Variants in CD44 observed in about 807,000 individuals in gnomAD.
CD44 encodes CD44 molecule (IN blood group), also known as CD44 antigen.
CD44 carries 49 observed loss-of-function variants against 88.8 expected under a neutral mutation model. The ratio of observed to expected loss-of-function variants is 0.55; its 90% CI spans 0.44 to 0.70. The LOEUF (loss-of-function observed/expected upper bound fraction) is 0.70, where lower values mean the gene tolerates loss of function less well. Among genes scored for constraint, CD44 ranks in the 30% least tolerant of loss-of-function variants. The pLI is 0.00. For synonymous variants in CD44, 325 were observed against 312.3 expected, an observed-to-expected ratio of 1.04 and a Z score of -0.43; for missense variants, 883 against 913.8, an observed-to-expected ratio of 0.97 and a Z score of 0.43.
intron 3 of CD44, among the ~76,000 whole-genome samples, chr11:35,185,480 T>C (rs1945567702): frequency 6.6e-6 from 1 of 152,180 alleles, no homozygotes; most frequent in Admixed American, 6.5e-5. Flanking sequence ...TATCCACTTT[T>C]ATAAGTACAC....
In CD44 at chr11:35,230,414, G is replaced by C. The variant is rs79780721; in HGVS notation, c.*1081G>C. On this transcript the variant is annotated 3_prime_UTR_variant, in exon 18 of 18. Transcript: ENST00000428726. ...TATTTCATAGAGGCTGGCCCTATTA[G>C]TGATTTCCAAAAACAATATGGAAGT... 1.3e-5 allele frequency: 2 copies of C among 152,108 alleles called. No homozygotes were observed. Among genetic ancestry groups the C allele is most frequent in the African/African-American group, 4.8e-5 (2 of 41,438 alleles). The allele number at this position is 152,108 out of a possible 1,614,324, so 9.4% of individuals were successfully genotyped here. A position where few individuals can be genotyped will look rare whatever the true frequency, so the allele number is the denominator to read the frequency against.
chr11:35,221,609 T>C lies in CD44; in HGVS notation c.1946-45T>C, dbSNP rs745987247. 4.6e-6 allele frequency: 7 copies of C among 1,530,580 alleles called. No homozygotes were observed. In the African/African-American group the frequency reaches 9.6e-5, roughly 21 times the overall value. The allele number at this position is 1,530,580 out of a possible 1,614,324, so 94.8% of individuals were successfully genotyped here. ...AAAGTGCATTTTTGTTTTTACAAAG[T>C]GTGTCTCTGAAGCTCACGCATGTCA... On this transcript the variant is annotated intron_variant, in intron 16 of 17. Transcript: ENST00000428726.
intron 1 of CD44, among the ~76,000 whole-genome samples, chr11:35,156,271 C>T (rs1409925868): frequency 6.6e-6 from 1 of 152,210 alleles, no homozygotes; most frequent in Non-Finnish European, 1.5e-5. Flanking sequence ...TGCCTCCACA[C>T]AGTTAGCTCA....
chr11:35,221,807 A>C, intron 17 of CD44, 75 bp downstream of exon 17: 1 of 1,320,766 alleles, frequency 7.6e-7, no homozygotes, highest in South Asian at 1.2e-5. Context: ...CTTGCTGCTC[A>C]GAGCGTAGTC....
chr11:35,222,674 C>G, intron 17 of CD44: 1 of 891,014 alleles, frequency 1.1e-6, no homozygotes, highest in Non-Finnish European at 1.3e-6. Context: ...TGACCTTTAA[C>G]AGGGGTATAA....
At chr11:35,189,527 C>G (rs1946059506) in intron 4 of CD44, among the ~76,000 whole-genome samples, 1 of 152,216 alleles carries the variant, frequency 6.6e-6, no homozygotes, top group Non-Finnish European at 1.5e-5. Context: ...CAATGTATCA[C>G]ATAATCCCCA....
rs1565080565 is a variant in CD44, at chr11:35,181,906, AAT to A, written c.367+1506_367+1507del. Among the ~76,000 whole-genome samples, 79 of 60,822 alleles carry A rather than the reference AAT, an allele frequency of 1.3e-3. 5 individuals carry two copies. Among genetic ancestry groups the A allele is most frequent in the African/African-American group, 7.0e-3 (77 of 10,992 alleles). 39.9% of individuals were successfully genotyped at this position (60,822 alleles called of 152,430 possible). ...TAATTCTATATATAATATAATATATAATATATATTATATATTATATTATATAT... is the reference window on the plus strand; with the variant it reads ...TAATTCTATATATAATATAATATATAATATATTATATATTATATTATATAT... On this transcript the variant is annotated intron_variant, in intron 3 of 17. Transcript: ENST00000428726.
intron 3 of CD44, among the ~76,000 whole-genome samples, chr11:35,186,539 C>T (rs1437336050): frequency 6.6e-6 from 1 of 152,110 alleles, no homozygotes; most frequent in Non-Finnish European, 1.5e-5. Context: ...TAAAATTGTA[C>T]CCCCAGGCTT....
chr11:35,197,201 T>C (rs1251879546), intron 6 of CD44: 1 of 182,186 alleles, frequency 5.5e-6, no homozygotes, highest in East Asian at 1.3e-4. Context: ...ACCACAGTCA[T>C]AAAAAGTCTT....
rs1221307048 is a variant in CD44 at position 35,230,608 on chromosome 11, G to A, written c.*1275G>A. 1 of 152,198 alleles carries A rather than the reference G, an allele frequency of 6.6e-6. No individual in the cohort carries two copies. 9.4% of individuals were successfully genotyped at this position (152,198 alleles called of 1,614,324 possible). A position where few individuals can be genotyped will look rare whatever the true frequency, so the allele number is the denominator to read the frequency against. ...GCAGTTGCTATTTAGGATGAGTTAAGTGCCTGGGGAGTCCCTCAAAAGGTT... is the reference window on the plus strand; with the variant it reads ...GCAGTTGCTATTTAGGATGAGTTAAATGCCTGGGGAGTCCCTCAAAAGGTT... On this transcript the variant is annotated 3_prime_UTR_variant, in exon 18 of 18. Transcript: ENST00000428726.
intron 1 of CD44, among the ~76,000 whole-genome samples, chr11:35,141,052 A>G (rs920415718): frequency 2.0e-5 from 3 of 151,884 alleles, no homozygotes; most frequent in African/African-American, 7.3e-5. Flanking sequence ...GCTAGCTACC[A>G]TTTACTGTAT....
rs1948064847 is a variant in CD44 at position 35,208,140 on chromosome 11, A to C, written c.1450A>C (p.Thr484Pro). The part of the protein sequence containing the change: ...DSSHSITLQP[T>P]ANPNTGLVED... Reference sequence around the variant, plus strand: ...CAGTCATAGTATAACGCTTCAGCCTACTGCAAATCCAAACACAGGTTTGGT... The same window carrying C: ...CAGTCATAGTATAACGCTTCAGCCTCCTGCAAATCCAAACACAGGTTTGGT... The change falls in exon 12 of 18, where the codon ACT becomes CCT. Residue 484 changes from threonine to proline, a missense_variant. Thr to Pro is a conservative substitution (Grantham distance 38). Around this residue, in one of 2 missense-constraint regions of CD44, gnomAD observed 631 missense variants for 590.9 expected, o/e 1.07. Coordinates refer to ENST00000428726, the MANE Select transcript of CD44 (RefSeq NM_000610.4). 1 of 1,611,926 alleles carries C rather than the reference A, an allele frequency of 6.2e-7. No individual in the cohort carries two copies. The highest frequency in any genetic ancestry group is 8.5e-7 in the Non-Finnish European group (1 of 1,178,124).
intron 9 of CD44, among the ~76,000 whole-genome samples, chr11:35,202,620 GAGCCACTTAAA>G (rs894469711): frequency 6.6e-6 from 1 of 152,156 alleles, no homozygotes; most frequent in Non-Finnish European, 1.5e-5. Flanking sequence ...GGGGAAATGT[GAGCCACTTAAA>G]AGCCACTTAA....
chr11:35,204,465 T>G, intron 9 of CD44, 47 bp from the exon 10 acceptor site: 1 of 1,597,908 alleles, frequency 6.3e-7, no homozygotes, highest in Non-Finnish European at 8.6e-7. Context: ...CAGCTATTGG[T>G]GAGGAAAATA....
At chr11:35,197,641 A>C (rs1591202620) in intron 6 of CD44, 1 of 154,382 alleles carries the variant, frequency 6.5e-6, no homozygotes, top group Non-Finnish European at 1.4e-5. Context: ...AAGATAAAAA[A>C]TGAATTAGCA....
intron 1 of CD44, among the ~76,000 whole-genome samples, chr11:35,174,588 A>T (rs1347900201): frequency 6.6e-6 from 1 of 152,216 alleles, no homozygotes; most frequent in South Asian, 2.1e-4. Context: ...GTTACACAGG[A>T]TCAAGTAGAA....
intron 15 of CD44, among the ~76,000 whole-genome samples, chr11:35,215,860 AGACTCT>A: frequency 6.6e-6 from 1 of 151,770 alleles, no homozygotes; most frequent in East Asian, 1.9e-4. Flanking sequence ...TGACAGAGCA[AGACTCT>A]GTCTCAAAAA....
At chr11:35,164,348 G>A (rs775223810) in intron 1 of CD44, among the ~76,000 whole-genome samples, 9 of 152,166 alleles carry the variant, frequency 5.9e-5, no homozygotes, top group Admixed American at 5.2e-4. Context: ...GTGAAATGGG[G>A]GTGATTTTTT....
At chr11:35,199,996 T>G (rs1056484176) in intron 7 of CD44, among the ~76,000 whole-genome samples, 1 of 149,518 alleles carries the variant, frequency 6.7e-6, no homozygotes, top group African/African-American at 2.4e-5. Context: ...TTTTTCCAAT[T>G]TCTGCTTTTC....
Sources: gnomAD v4.1 joint callset for allele counts (sites outside exome capture counted in the v4.1 genomes callset) on GRCh38, gnomAD v4.1.1 for gene constraint, gnomAD v4.1.1 regional missense constraint, MANE v1.5 for transcripts, NCBI Gene and HGNC (gene_info 2026-07-23, HGNC 2026-07-21) for gene names.